The following CCDC192 variants were observed in gnomAD, a reference collection of about 807,000 sequenced individuals.
CCDC192 encodes the protein coiled-coil domain-containing protein 192.
chr5:127,732,632 G>A lies in CCDC192; in HGVS notation c.115-21636G>A, dbSNP rs146186890. Among the ~76,000 whole-genome samples the A allele has an allele frequency of 6.6e-5, 10 of 152,296 alleles. No homozygotes were observed. The East Asian group carries it at 1.7e-3, about 26-fold the overall frequency. Reference sequence around the variant, plus strand: ...TGATAGACTGGATAAAGAAAATGTGGTACATATACACCATGGAGTACTATG... The same window carrying A: ...TGATAGACTGGATAAAGAAAATGTGATACATATACACCATGGAGTACTATG... On this transcript the variant is annotated intron_variant, in intron 2 of 6. Coordinates refer to ENST00000514853, the MANE Select transcript of CCDC192 (RefSeq NM_001317938.2).
intron 5 of CCDC192, among the ~76,000 whole-genome samples, chr5:127,806,790 CT>C (rs138074406): frequency 0.016 from 2,406 of 152,232 alleles, 30 homozygotes; most frequent in African/African-American, 0.036. Flanking sequence ...CTGTAAGAAT[CT>C]AATAGAAATC....
At chr5:127,896,991 CAGA>C (rs1752909862) in intron 6 of CCDC192, among the ~76,000 whole-genome samples, 1 of 151,672 alleles carries the variant, frequency 6.6e-6, no homozygotes, top group African/African-American at 2.4e-5. Context: ...GCAAATGTAC[CAGA>C]AGTTTTTATA....
At chr5:127,835,511 C>T (rs1355228787) in intron 5 of CCDC192, among the ~76,000 whole-genome samples, 10 of 152,240 alleles carry the variant, frequency 6.6e-5, no homozygotes, top group Non-Finnish European at 1.0e-4. Context: ...TATCTCTCTC[C>T]CTCTATTAGA....
intron 5 of CCDC192, among the ~76,000 whole-genome samples, chr5:127,845,439 T>C (rs1037307134): frequency 6.6e-6 from 1 of 151,788 alleles, no homozygotes. Context: ...GAGGAGAGAG[T>C]TGAAGTAATA....
intron 6 of CCDC192, among the ~76,000 whole-genome samples, chr5:127,897,029 A>G (rs1174563471): frequency 2.0e-5 from 3 of 151,794 alleles, no homozygotes; most frequent in Non-Finnish European, 4.4e-5. Context: ...CTGCAGGTCA[A>G]CTTTTGTATT....
chr5:127,850,660 A>G (rs1432649163), intron 5 of CCDC192, among the ~76,000 whole-genome samples: 1 of 152,030 alleles, frequency 6.6e-6, no homozygotes, highest in East Asian at 1.9e-4. Flanking sequence ...GCACTAGCAA[A>G]TTTCGGTTTC....
At chr5:127,874,112 G>T (rs1751972383) in intron 5 of CCDC192, among the ~76,000 whole-genome samples, 1 of 152,176 alleles carries the variant, frequency 6.6e-6, no homozygotes, top group Non-Finnish European at 1.5e-5. Context: ...CCCAGAGGAT[G>T]CATTCTAATA....
chr5:127,937,312 A>G (rs924339416), intron 6 of CCDC192, among the ~76,000 whole-genome samples: 15 of 152,020 alleles, frequency 9.9e-5, no homozygotes, highest in Admixed American at 8.5e-4. Flanking sequence ...TATGGACTGA[A>G]TTATGTCTCC....
intron 5 of CCDC192, among the ~76,000 whole-genome samples, chr5:127,809,544 T>C (rs769855977): frequency 5.3e-5 from 8 of 152,214 alleles, no homozygotes; most frequent in Non-Finnish European, 8.8e-5. Flanking sequence ...GGAACACTCA[T>C]GAACATATCA....
intron 6 of CCDC192, among the ~76,000 whole-genome samples, chr5:127,901,012 C>G (rs192408192): frequency 2.1e-4 from 32 of 152,070 alleles, no homozygotes; most frequent in Non-Finnish European, 2.6e-4. Flanking sequence ...CTGGAGAATA[C>G]ATATTTTGGT....
chr5:127,727,996 A>G (rs1474046764), intron 2 of CCDC192, among the ~76,000 whole-genome samples: 1 of 152,232 alleles, frequency 6.6e-6, no homozygotes, highest in Non-Finnish European at 1.5e-5. Flanking sequence ...ATTAGAGAAA[A>G]ATGAATGAAA....
At chr5:127,871,662 T>C (rs1402539984) in intron 5 of CCDC192, among the ~76,000 whole-genome samples, 1 of 152,152 alleles carries the variant, frequency 6.6e-6, no homozygotes, top group East Asian at 1.9e-4. Context: ...TATGTGGAAA[T>C]ACCCAGAAAT....
At chr5:127,816,314 A>T (rs921679947) in intron 5 of CCDC192, among the ~76,000 whole-genome samples, 2 of 152,220 alleles carry the variant, frequency 1.3e-5, no homozygotes, top group Admixed American at 6.5e-5. Flanking sequence ...TCTGCAAAGG[A>T]GGCAGACAGA....
chr5:127,891,094 C>T (rs1055428192), intron 6 of CCDC192, among the ~76,000 whole-genome samples: 1 of 152,200 alleles, frequency 6.6e-6, no homozygotes, highest in Non-Finnish European at 1.5e-5. Context: ...CTCTGTCGCC[C>T]AGGCTGGAGT....
At chr5:127,786,555 C>A in intron 3 of CCDC192, 1 of 673,840 alleles carries the variant, frequency 1.5e-6, no homozygotes, top group South Asian at 1.6e-5. Context: ...CTCTCCAAGT[C>A]ACCAATGCAA....
intron 6 of CCDC192, among the ~76,000 whole-genome samples, chr5:127,937,617 C>T (rs1388243983): frequency 1.3e-5 from 2 of 152,216 alleles, no homozygotes; most frequent in African/African-American, 4.8e-5. Flanking sequence ...TAAGCCACCC[C>T]ATCTGTAGTA....
At chr5:127,882,035 A>G (rs967441088) in intron 6 of CCDC192, among the ~76,000 whole-genome samples, 6 of 152,138 alleles carry the variant, frequency 3.9e-5, no homozygotes, top group Admixed American at 6.6e-5. Flanking sequence ...CATTATCCCA[A>G]TGAAAGTCCT....
chr5:127,794,405 T>C (rs1168740933), intron 3 of CCDC192, among the ~76,000 whole-genome samples: 1 of 152,176 alleles, frequency 6.6e-6, no homozygotes, highest in Non-Finnish European at 1.5e-5. Context: ...AAATGGGAGC[T>C]ATAATAGAAT....
intron 6 of CCDC192, among the ~76,000 whole-genome samples, chr5:127,885,824 A>G (rs181222850): frequency 6.6e-6 from 1 of 152,056 alleles, no homozygotes; most frequent in African/African-American, 2.4e-5. Flanking sequence ...CATTATGGTA[A>G]TCTATGTGTA....
Sources: gnomAD v4.1 joint callset for allele counts (sites outside exome capture counted in the v4.1 genomes callset) on GRCh38, gnomAD v4.1.1 for gene constraint, MANE v1.5 for transcripts, NCBI Gene and HGNC (gene_info 2026-07-23, HGNC 2026-07-21) for gene names.